The following NBPF11 variants were observed in gnomAD, a reference collection of about 807,000 sequenced individuals.
The protein encoded by NBPF11 is NBPF family member NBPF11.
Under a neutral mutation model 93.9 loss-of-function variants are expected in NBPF11, and 72 were observed. The observed-to-expected ratio is 0.77, with a 90% CI of 0.63 to 0.93. NBPF11 has a LOEUF of 0.93. Ranked by LOEUF, NBPF11 falls within the 40% of genes least tolerant of loss-of-function variation. The pLI is 0.00. For missense variants in NBPF11, 705 were observed against 802.2 expected (o/e 0.88, Z 1.46); for synonymous variants, 224 against 304.9 (o/e 0.73, Z 2.76).
Position 148,107,042 on chromosome 1 carries a change from A to T in NBPF11, c.2151T>A (p.Thr717=). Residue 717 remains threonine (T), a synonymous_variant, in exon 20 of 24, where the codon ACT becomes ACA. Coordinates refer to ENST00000682118, the MANE Select transcript of NBPF11 (RefSeq NM_001385469.3). Reference sequence around the variant, plus strand: ...CAGGCAGTTCAAGATAACCTGAAGGAGTCGAATAACATCTATCCAGTGAGT... The same window carrying T: ...CAGGCAGTTCAAGATAACCTGAAGGTGTCGAATAACATCTATCCAGTGAGT... The part of the protein sequence containing the change: ...LQDSLDRCYS[T]PSGYLELPDL... 1.6e-6 allele frequency: 1 copy of T among 631,704 alleles called. No homozygotes were observed. 39.1% of individuals were successfully genotyped at this position (631,704 alleles called of 1,614,324 possible).
Position 148,147,830 on chromosome 1 carries a change from G to A in NBPF11, c.-549+3920C>T, listed in dbSNP as rs1360025657. ...AATCACCACTTCATGCGGCTTCCTCGGCCCCTCCTGTCTCTACTGCCTGGG... is the reference window on the plus strand; with the variant it reads ...AATCACCACTTCATGCGGCTTCCTCAGCCCCTCCTGTCTCTACTGCCTGGG... On this transcript the variant is annotated intron_variant, in intron 1 of 23. Coordinates refer to ENST00000682118, the MANE Select transcript of NBPF11 (RefSeq NM_001385469.3). 3.5e-4 allele frequency among the ~76,000 whole-genome samples: 53 copies of A among 152,080 alleles called. 2 individuals carry two copies. In the East Asian group the frequency reaches 7.5e-3, roughly 22 times the overall value.
chr1:148,129,417 C>T (rs1393525566), intron 4 of NBPF11: 1 of 151,466 alleles, frequency 6.6e-6, no homozygotes, highest in Non-Finnish European at 1.5e-5. Flanking sequence ...TCCGCCTCCC[C>T]CACCCGCCAG....
chr1:148,121,249 G>C (rs1373134679), intron 9 of NBPF11, among the ~76,000 whole-genome samples: 1 of 151,758 alleles, frequency 6.6e-6, no homozygotes, highest in Non-Finnish European at 1.5e-5. Flanking sequence ...TCGCCATCTT[G>C]GACAGGCTGG....
In NBPF11 at chr1:148,103,896, T is replaced by G; in HGVS notation, c.2598A>C (p.Ter866CysextTer58). The G allele has an allele frequency of 6.2e-7, 1 of 1,610,900 alleles. No homozygotes were observed. Among genetic ancestry groups the G allele is most frequent in the Admixed American group, 1.7e-5 (1 of 59,986 alleles). ...THHAPGSAAC* is the reference protein window; with the variant it reads ...THHAPGSAACC ...AAGACTTCAGGCACTTCCACTTCCATCAGCACGCTGCTGAGCCTGGAAAAG... is the reference window on the plus strand; with the variant it reads ...AAGACTTCAGGCACTTCCACTTCCAGCAGCACGCTGCTGAGCCTGGAAAAG... Residue 866 changes from the stop codon to cysteine, a stop_lost, in exon 24 of 24, where the codon TGA (stop) becomes TGC (cysteine). Coordinates refer to ENST00000682118, the MANE Select transcript of NBPF11 (RefSeq NM_001385469.3).
chr1:148,144,019 T>C (rs74752682), intron 1 of NBPF11, among the ~76,000 whole-genome samples: 38 of 148,648 alleles, frequency 2.6e-4, no homozygotes, highest in South Asian at 1.1e-3. Context: ...ATGGCACCAC[T>C]GCACTCCAGC....
intron 18 of NBPF11, among the ~76,000 whole-genome samples, chr1:148,108,061 A>G (rs1357111034): frequency 4.7e-5 from 7 of 150,254 alleles, no homozygotes; most frequent in Non-Finnish European, 8.9e-5. Flanking sequence ...AATGCCCCCA[A>G]ATGGTTGCTA....
intron 2 of NBPF11, among the ~76,000 whole-genome samples, chr1:148,142,432 C>A (rs1167872198): frequency 1.9e-3 from 295 of 151,582 alleles, no homozygotes; most frequent in African/African-American, 6.8e-3. Flanking sequence ...TGAGATGAGA[C>A]AGTGGATCCC....
At chr1:148,105,231 A>G in intron 22 of NBPF11, 129 bp downstream of exon 22, 1 of 608,098 alleles carries the variant, frequency 1.6e-6, no homozygotes. Flanking sequence ...CATTCAACCT[A>G]CATGTGCCTA....
At chr1:148,138,302 C>A (rs1671662013) in intron 2 of NBPF11, among the ~76,000 whole-genome samples, 1 of 151,162 alleles carries the variant, frequency 6.6e-6, no homozygotes, top group South Asian at 2.1e-4. Context: ...CAGGGATGAG[C>A]AGGAGACAGA....
At chr1:148,138,055 C>T (rs2149282471) in intron 2 of NBPF11, among the ~76,000 whole-genome samples, 1 of 151,162 alleles carries the variant, frequency 6.6e-6, no homozygotes, top group South Asian at 2.1e-4. Flanking sequence ...TGTGGCAGGA[C>T]AATAGGATAA....
intron 4 of NBPF11, among the ~76,000 whole-genome samples, chr1:148,127,839 G>A (rs1462219809): frequency 1.9e-4 from 29 of 149,516 alleles, no homozygotes; most frequent in Admixed American, 1.7e-3. Context: ...TGTATTTTTA[G>A]TAGAGACGGG....
At chr1:148,119,939 C>A (rs1667445692) in intron 10 of NBPF11, among the ~76,000 whole-genome samples, 3 of 152,258 alleles carry the variant, frequency 2.0e-5, no homozygotes, top group Middle Eastern at 6.8e-3. Context: ...CAGGAGTGAG[C>A]CACCATGCAC....
chr1:148,104,365 G>A (rs1663022308), intron 23 of NBPF11, among the ~76,000 whole-genome samples, 172 bp downstream of exon 23: 1 of 147,070 alleles, frequency 6.8e-6, no homozygotes, highest in South Asian at 2.1e-4. Context: ...AATGATAAGG[G>A]GAGGAAGAAA....
chr1:148,108,111 C>G (rs1468983298), intron 18 of NBPF11, among the ~76,000 whole-genome samples: 2 of 149,226 alleles, frequency 1.3e-5, no homozygotes, highest in Non-Finnish European at 3.0e-5. Flanking sequence ...TCATCAAATA[C>G]TCAGATTGTT....
At chr1:148,146,193 C>T (rs1387747318) in intron 1 of NBPF11, among the ~76,000 whole-genome samples, 2 of 151,612 alleles carry the variant, frequency 1.3e-5, no homozygotes, top group African/African-American at 4.9e-5. Flanking sequence ...CCTGTGGTTG[C>T]GAGGCTCCCT....
chr1:148,111,936 A>G (rs1478767633), intron 15 of NBPF11, among the ~76,000 whole-genome samples: 12,218 of 149,626 alleles, frequency 0.082, 604 homozygotes, highest in Middle Eastern at 0.16. Context: ...GAGCAACCCC[A>G]GGACACATAA....
chr1:148,104,647 T>C lies in NBPF11; in HGVS notation c.2473-2A>G. Reference sequence around the variant, plus strand: ...TCCCCTTCCCCTTCTTTTCAATTTCTGCAATAAATTCAGACATGGACAGAC... The same window carrying C: ...TCCCCTTCCCCTTCTTTTCAATTTCCGCAATAAATTCAGACATGGACAGAC... On this transcript the variant is annotated splice_acceptor_variant, in intron 22 of 23. Transcript: ENST00000682118. LOFTEE classifies it high-confidence loss of function. 1.8e-6 allele frequency: 1 copy of C among 558,044 alleles called. No individual in the cohort carries two copies. Among genetic ancestry groups the C allele is most frequent in the Non-Finnish European group, 3.1e-6 (1 of 324,094 alleles). 34.6% of individuals were successfully genotyped at this position (558,044 alleles called of 1,614,324 possible). A position where few individuals can be genotyped will look rare whatever the true frequency, so the allele number is the denominator to read the frequency against.
At chr1:148,139,923 G>A (rs2149287347) in intron 2 of NBPF11, among the ~76,000 whole-genome samples, 1 of 150,248 alleles carries the variant, frequency 6.7e-6, no homozygotes, top group Non-Finnish European at 1.5e-5. Context: ...CAGACTAAGG[G>A]GGAATCTTAC....
chr1:148,146,355 C>T lies in NBPF11; in HGVS notation c.-548-2669G>A. 1.1e-5 allele frequency: 17 copies of T among 1,480,006 alleles called. 1 individual carries two copies. In the South Asian group the frequency reaches 2.0e-4, roughly 17 times the overall value. The allele number at this position is 1,480,006 out of a possible 1,614,324, so 91.7% of individuals were successfully genotyped here. On this transcript the variant is annotated intron_variant, in intron 1 of 23. Transcript: ENST00000682118. ...GGGCCAGGCCGGGCGGCGTTGTTGG[C>T]GGGGGCCCCGGTGGAGGCCCGGCCC...
Sources: allele counts gnomAD v4.1 joint callset (sites outside exome capture counted in the v4.1 genomes callset), GRCh38; gene constraint gnomAD v4.1.1; transcripts MANE v1.5; gene names NCBI Gene and HGNC (gene_info 2026-07-23, HGNC 2026-07-21).